DAD1: variants seen among roughly 807,000 people sequenced by gnomAD.
DAD1 encodes dolichyl-diphosphooligosaccharide--protein glycosyltransferase subunit DAD1.
A neutral mutation model predicts 9.0 loss-of-function variants in DAD1; 4 were observed. That is an observed-to-expected ratio of 0.44 (90% CI 0.22 to 1.01). The LOEUF (loss-of-function observed/expected upper bound fraction) is 1.01, where lower values mean the gene tolerates loss of function less well. Among genes scored for constraint, DAD1 ranks in the 50% least tolerant of loss-of-function variants. The probability of loss-of-function intolerance (pLI) is 0.24; values close to 1 mark genes in which losing one functional copy is unlikely to be tolerated. For missense variants in DAD1, 119 were observed against 137.3 expected (o/e 0.87, Z 0.67); for synonymous variants, 60 against 62.5 (o/e 0.96, Z 0.19).
intron 2 of DAD1, among the ~76,000 whole-genome samples, 194 bp downstream of exon 2, chr14:22,574,865 A>G (rs1281011667): frequency 6.6e-6 from 1 of 152,266 alleles, no homozygotes; most frequent in African/African-American, 2.4e-5. Flanking sequence ...AAGAACAGAA[A>G]GACAAGGCAA....
At chr14:22,572,580 G>A (rs916921362) in intron 2 of DAD1, among the ~76,000 whole-genome samples, 1 of 152,112 alleles carries the variant, frequency 6.6e-6, no homozygotes, top group Non-Finnish European at 1.5e-5. Context: ...GGTGGTCCTA[G>A]GTTGTTAATA....
chr14:22,572,743 GA>G (rs3841037), intron 2 of DAD1, among the ~76,000 whole-genome samples: 27,579 of 152,074 alleles, frequency 0.18, 2,550 homozygotes, highest in Middle Eastern at 0.26. Context: ...CCTGAGCCTA[GA>G]AAACATCCTT....
intron 1 of DAD1, among the ~76,000 whole-genome samples, chr14:22,588,369 CA>C (rs1386983592): frequency 6.6e-6 from 1 of 151,962 alleles, no homozygotes; most frequent in Non-Finnish European, 1.5e-5. Flanking sequence ...ATCCTGGAAT[CA>C]AAAGGAAAAA....
At chr14:22,577,041 G>A (rs1269785079) in intron 1 of DAD1, among the ~76,000 whole-genome samples, 1 of 152,174 alleles carries the variant, frequency 6.6e-6, no homozygotes, top group Admixed American at 6.5e-5. Context: ...TAGCCAGTGT[G>A]AAAAACAGTA....
intron 1 of DAD1, among the ~76,000 whole-genome samples, chr14:22,584,615 T>G (rs1452357048): frequency 6.6e-6 from 1 of 151,916 alleles, no homozygotes; most frequent in Non-Finnish European, 1.5e-5. Context: ...GTGAAGGAAT[T>G]TTGAAGGCAG....
intron 2 of DAD1, among the ~76,000 whole-genome samples, chr14:22,570,210 A>G (rs1214141608): frequency 6.6e-6 from 1 of 152,220 alleles, no homozygotes; most frequent in African/African-American, 2.4e-5. Context: ...ACCATTGAGA[A>G]TAAAAGACGT....
At chr14:22,578,859 G>GA (rs1035012824) in intron 1 of DAD1, among the ~76,000 whole-genome samples, 1 of 151,918 alleles carries the variant, frequency 6.6e-6, no homozygotes, top group African/African-American at 2.4e-5. Context: ...CTTTCTCAAA[G>GA]AAAAAAATAT....
chr14:22,575,792 C>G (rs1466200687), intron 1 of DAD1, among the ~76,000 whole-genome samples: 1 of 152,222 alleles, frequency 6.6e-6, no homozygotes, highest in African/African-American at 2.4e-5. Flanking sequence ...TGTGATCCAC[C>G]TGCCTCGGCT....
At chr14:22,576,150 C>T (rs8021060) in intron 1 of DAD1, among the ~76,000 whole-genome samples, 14,008 of 152,218 alleles carry the variant, frequency 0.092, 1,187 homozygotes, top group African/African-American at 0.22. Context: ...CACGGGTGAA[C>T]ACATCTGCCT....
chr14:22,564,928 T>C lies in DAD1; in HGVS notation c.*254A>G, dbSNP rs1305852083. 5.1e-6 allele frequency: 3 copies of C among 586,950 alleles called. No individual in the cohort carries two copies. The East Asian group carries it at 8.4e-5, about 16-fold the overall frequency. 36.4% of individuals were successfully genotyped at this position (586,950 alleles called of 1,614,324 possible). A position where few individuals can be genotyped will look rare whatever the true frequency, so the allele number is the denominator to read the frequency against. ...TATGGAGGAGTGGCATGGAGTTCTTTAATTTGGAAGGCAAAAGGTTACATT... is the reference window on the plus strand; with the variant it reads ...TATGGAGGAGTGGCATGGAGTTCTTCAATTTGGAAGGCAAAAGGTTACATT... On this transcript the variant is annotated 3_prime_UTR_variant, in exon 3 of 3. Transcript: ENST00000250498.
chr14:22,580,630 T>A (rs976625520), intron 1 of DAD1, among the ~76,000 whole-genome samples: 3 of 152,032 alleles, frequency 2.0e-5, no homozygotes, highest in African/African-American at 7.2e-5. Context: ...TAAATTGATG[T>A]TATTATTATT....
Position 22,571,755 on chromosome 14 carries a change from G to A in DAD1, c.*44+3304C>T, listed in dbSNP as rs534059917. ...AACGATTCTCCTGCCTTAGCCTCCC[G>A]AGTAGCTGGGATTACAGGCACCGGC... On this transcript the variant is annotated intron_variant, in intron 2 of 2. Coordinates refer to ENST00000250498, the MANE Select transcript of DAD1 (RefSeq NM_001344.4). Among the ~76,000 whole-genome samples, 21 of 150,614 alleles carry A rather than the reference G, an allele frequency of 1.4e-4. No homozygotes were observed. In the South Asian group the frequency reaches 1.9e-3, roughly 14 times the overall value.
chr14:22,582,322 G>A (rs1318060431), intron 1 of DAD1, among the ~76,000 whole-genome samples: 1 of 151,216 alleles, frequency 6.6e-6, no homozygotes, highest in Non-Finnish European at 1.5e-5. Context: ...AGACCATCCT[G>A]GCTAACATGG....
intron 1 of DAD1, among the ~76,000 whole-genome samples, chr14:22,582,615 T>C (rs2139246022): frequency 1.3e-5 from 2 of 152,228 alleles, no homozygotes; most frequent in Non-Finnish European, 2.9e-5. Context: ...AATAAAGACA[T>C]ACAGGCTATA....
At chr14:22,584,196 T>A (rs1212065469) in intron 1 of DAD1, among the ~76,000 whole-genome samples, 1 of 152,146 alleles carries the variant, frequency 6.6e-6, no homozygotes, top group Non-Finnish European at 1.5e-5. Flanking sequence ...TTGCTCACTA[T>A]TCCTGACATG....
intron 1 of DAD1, among the ~76,000 whole-genome samples, chr14:22,588,462 T>C (rs1196585966): frequency 1.3e-5 from 2 of 152,174 alleles, no homozygotes; most frequent in African/African-American, 2.4e-5. Context: ...AAAAAAGTAG[T>C]AGCAGCTAAA....
chr14:22,578,291 A>G (rs1190719965), intron 1 of DAD1, among the ~76,000 whole-genome samples: 5 of 151,758 alleles, frequency 3.3e-5, no homozygotes, highest in Non-Finnish European at 7.4e-5. Context: ...AGGGCCAGGC[A>G]CGGTGGCTCA....
At chr14:22,567,467 T>A (rs776092592) in intron 2 of DAD1, among the ~76,000 whole-genome samples, 1 of 152,234 alleles carries the variant, frequency 6.6e-6, no homozygotes, top group African/African-American at 2.4e-5. Context: ...AGGCACAGAC[T>A]GTGTATTTCT....
intron 2 of DAD1, chr14:22,567,134 C>A (rs1824515012): frequency 6.6e-6 from 1 of 152,214 alleles, no homozygotes; most frequent in African/African-American, 2.4e-5. Context: ...GGGCAGAAGA[C>A]AGTGCCATTT....
Sources: allele counts gnomAD v4.1 joint callset (sites outside exome capture counted in the v4.1 genomes callset), GRCh38; gene constraint gnomAD v4.1.1; transcripts MANE v1.5; gene names NCBI Gene and HGNC (gene_info 2026-07-23, HGNC 2026-07-21).